The following UROS variants were observed in gnomAD, a reference collection of about 807,000 sequenced individuals.
UROS encodes the protein uroporphyrinogen-III synthase.
UROS carries 18 observed loss-of-function variants against 33.0 expected under a neutral mutation model. The observed-to-expected ratio is 0.55, with a 90% CI of 0.38 to 0.81. The LOEUF (loss-of-function observed/expected upper bound fraction) is 0.81, where lower values mean the gene tolerates loss of function less well. Among genes scored for constraint, UROS ranks in the 30% least tolerant of loss-of-function variants. UROS has a pLI of 0.00. For missense variants in UROS, 293 were observed against 314.9 expected (o/e 0.93, Z 0.53); for synonymous variants, 114 against 121.1 (o/e 0.94, Z 0.38).
rs1853053407 is a variant in UROS, at chr10:125,813,921, A to G, written c.244+1113T>C. On this transcript the variant is annotated intron_variant, in intron 4 of 9. Coordinates refer to ENST00000368797, the MANE Select transcript of UROS (RefSeq NM_000375.3). ...AGAATAACCAAAACTCACCACTGTCACTTACTCCATGCCCACTCTGCTCCA... is the reference window on the plus strand; with the variant it reads ...AGAATAACCAAAACTCACCACTGTCGCTTACTCCATGCCCACTCTGCTCCA... Among the ~76,000 whole-genome samples, 3 of 152,186 alleles carry G rather than the reference A, an allele frequency of 2.0e-5. No homozygotes were observed. The South Asian group carries it at 6.2e-4, about 32-fold the overall frequency.
At chr10:125,813,104 T>C (rs1192871734) in intron 4 of UROS, among the ~76,000 whole-genome samples, 2 of 152,176 alleles carry the variant, frequency 1.3e-5, no homozygotes, top group Non-Finnish European at 2.9e-5. Context: ...TCAATAGTAT[T>C]TATTCAAAAG....
intron 1 of UROS, among the ~76,000 whole-genome samples, chr10:125,818,957 T>C (rs1462683135): frequency 6.6e-6 from 1 of 151,778 alleles, no homozygotes; most frequent in Non-Finnish European, 1.5e-5. Flanking sequence ...CTCCCAAGCA[T>C]ACTCTACTTT....
At chr10:125,793,239 G>A (rs576607553) in intron 9 of UROS, 85 of 151,126 alleles carry the variant, frequency 5.6e-4, no homozygotes, top group African/African-American at 1.9e-3. Flanking sequence ...AAAGAAGATA[G>A]AGTATAAATC....
chr10:125,812,083 A>G, intron 5 of UROS, 131 bp downstream of exon 5: 1 of 766,084 alleles, frequency 1.3e-6, no homozygotes, highest in Non-Finnish European at 2.2e-6. Context: ...TATCAGTAGT[A>G]TCGTATACTT....
chr10:125,785,508 G>A (rs1850612833), downstream of UROS: 2 of 152,156 alleles, frequency 1.3e-5, no homozygotes, highest in African/African-American at 2.4e-5. Flanking sequence ...AATGATTCTT[G>A]GTAGCTTATT....
chr10:125,817,224 A>ATTTTTT lies in UROS; in HGVS notation c.-26-705_-26-700dup, dbSNP rs11431196. Among the ~76,000 whole-genome samples, 10 of 74,084 alleles carry ATTTTTT rather than the reference A, an allele frequency of 1.3e-4. 2 individuals carry two copies. The South Asian group carries it at 4.8e-3, about 36-fold the overall frequency. 48.6% of individuals were successfully genotyped at this position (74,084 alleles called of 152,430 possible). A position where few individuals can be genotyped will look rare whatever the true frequency, so the allele number is the denominator to read the frequency against. On this transcript the variant is annotated intron_variant, in intron 1 of 9. Coordinates refer to ENST00000368797, the MANE Select transcript of UROS (RefSeq NM_000375.3). ...CGGGAAGCTTCTTGTTTATAGATGT[A>ATTTTTT]TTTTTTTTTTTTTTTTTTTTTTTTT...
chr10:125,817,217 T>C (rs916164484), intron 1 of UROS, among the ~76,000 whole-genome samples: 1 of 139,208 alleles, frequency 7.2e-6, no homozygotes, highest in Non-Finnish European at 1.5e-5. Flanking sequence ...TTCTTGTTTA[T>C]AGATGTATTT....
chr10:125,812,572 A>T (rs41314430), intron 4 of UROS, among the ~76,000 whole-genome samples: 325 of 152,352 alleles, frequency 2.1e-3, no homozygotes, highest in Non-Finnish European at 3.5e-3. Context: ...CCACGAAATC[A>T]ACATAACTTG....
chr10:125,819,427 T>G (rs539556417), intron 1 of UROS, among the ~76,000 whole-genome samples: 1 of 152,182 alleles, frequency 6.6e-6, no homozygotes, highest in Non-Finnish European at 1.5e-5. Context: ...TGGTAACATA[T>G]TTGGTGCCAC....
intron 1 of UROS, among the ~76,000 whole-genome samples, chr10:125,817,281 T>C (rs574554265): frequency 1.4e-4 from 19 of 136,360 alleles, no homozygotes; most frequent in African/African-American, 3.5e-4. Context: ...TTGCCCAGGC[T>C]AGTCTCGAAC....
intron 2 of UROS, 81 bp from the exon 3 acceptor site, chr10:125,816,341 T>C (rs2133948545): frequency 1.3e-6 from 2 of 1,599,844 alleles, no homozygotes; most frequent in Non-Finnish European, 1.7e-6. Flanking sequence ...TCTGCGTCAG[T>C]TCCTCTGAGG....
chr10:125,796,832 G>T (rs1475822348), intron 7 of UROS: 10 of 985,326 alleles, frequency 1.0e-5, no homozygotes, highest in African/African-American at 1.7e-5. Context: ...CAGCCAGATG[G>T]TAGGTGAAAA....
intron 1 of UROS, among the ~76,000 whole-genome samples, chr10:125,817,224 ATTTTTTTT>A (rs11431196): frequency 2.7e-5 from 2 of 74,084 alleles, no homozygotes; most frequent in East Asian, 4.5e-4. Context: ...TTATAGATGT[ATTTTTTTT>A]TTTTTTTTTT....
At chr10:125,787,326 CTT>C (rs139709167), downstream of UROS, among the ~76,000 whole-genome samples, 2,396 of 152,306 alleles carry the variant, frequency 0.016, 61 homozygotes, top group African/African-American at 0.053. Context: ...CCCTCCCGCT[CTT>C]GTCTGCCTAC....
At chr10:125,799,668 C>A (rs1028992245) in intron 6 of UROS, among the ~76,000 whole-genome samples, 1 of 152,190 alleles carries the variant, frequency 6.6e-6, no homozygotes, top group Admixed American at 6.5e-5. Flanking sequence ...CTCTATCTCT[C>A]CACCACCTGT....
At chr10:125,786,270 A>G (rs1850631462), downstream of UROS, among the ~76,000 whole-genome samples, 1 of 150,246 alleles carries the variant, frequency 6.7e-6, no homozygotes, top group Admixed American at 6.6e-5. Flanking sequence ...GTACATTTGC[A>G]CATGAACCTT....
rs866530809 is a variant in UROS, at chr10:125,807,633, T to C, written c.320-146A>G. On this transcript the variant is annotated intron_variant, in intron 5 of 9. Coordinates refer to ENST00000368797, the MANE Select transcript of UROS (RefSeq NM_000375.3). ...TTTCTTGAAAGCTACTGAGGGAAGATCACAAGTGTCTGTTCAGAAGAGAAA... is the reference window on the plus strand; with the variant it reads ...TTTCTTGAAAGCTACTGAGGGAAGACCACAAGTGTCTGTTCAGAAGAGAAA... The C allele has an allele frequency of 4.2e-6, 3 of 712,266 alleles. No individual in the cohort carries two copies. In the Middle Eastern group the frequency reaches 7.1e-4, roughly 167 times the overall value. 44.1% of individuals were successfully genotyped at this position (712,266 alleles called of 1,614,324 possible). A position where few individuals can be genotyped will look rare whatever the true frequency, so the allele number is the denominator to read the frequency against.
intron 1 of UROS, among the ~76,000 whole-genome samples, chr10:125,817,824 C>G (rs188668495): frequency 6.6e-6 from 1 of 152,106 alleles, no homozygotes; most frequent in Non-Finnish European, 1.5e-5. Context: ...TAACCCCCTA[C>G]GCTATATTAT....
intron 5 of UROS, among the ~76,000 whole-genome samples, chr10:125,811,599 T>C (rs528473066): frequency 2.6e-5 from 4 of 152,230 alleles, no homozygotes; most frequent in Non-Finnish European, 5.9e-5. Context: ...ACTCATATTA[T>C]ACATTCCTCT....
Sources: allele counts gnomAD v4.1 joint callset (sites outside exome capture counted in the v4.1 genomes callset), GRCh38; gene constraint gnomAD v4.1.1; transcripts MANE v1.5; gene names NCBI Gene and HGNC (gene_info 2026-07-23, HGNC 2026-07-21).